The following SPATA22 variants were observed in gnomAD, a reference collection of about 807,000 sequenced individuals.
SPATA22 encodes spermatogenesis-associated protein 22.
In SPATA22, 29 loss-of-function variants were observed where a neutral mutation model predicts 47.8. The ratio of observed to expected loss-of-function variants is 0.61; its 90% CI spans 0.45 to 0.83. SPATA22 has a LOEUF of 0.83. Among genes scored for constraint, SPATA22 ranks in the 40% least tolerant of loss-of-function variants. The pLI is 0.00. For missense variants in SPATA22, 410 were observed against 421.7 expected (o/e 0.97, Z 0.24); for synonymous variants, 133 against 140.9 (o/e 0.94, Z 0.40).
At chr17:3,477,565 G>A (rs1171245790) in intron 1 of SPATA22, among the ~76,000 whole-genome samples, 1 of 152,028 alleles carries the variant, frequency 6.6e-6, no homozygotes, top group East Asian at 1.9e-4. Flanking sequence ...TGATTCTCCT[G>A]CCTCAACCTC....
At chr17:3,450,261 A>T (rs111727378) in intron 5 of SPATA22, among the ~76,000 whole-genome samples, 12 of 152,344 alleles carry the variant, frequency 7.9e-5, no homozygotes, top group South Asian at 4.1e-4. Flanking sequence ...AAAGAGGTCT[A>T]GGTACACTGC....
In SPATA22 at chr17:3,481,793, A is replaced by G. The variant is rs199565861; in HGVS notation, c.-73-12395T>C. On this transcript the variant is annotated intron_variant, in intron 1 of 8. Coordinates refer to the SPATA22 transcript ENST00000541913. ...CTTTTTAATTCAGATGTTTCATTAC[A>G]TTAAGGTAATGTTAATGTTATTAAT... 266 of 1,596,010 alleles carry G rather than the reference A, an allele frequency of 1.7e-4. No homozygotes were observed. Among genetic ancestry groups the G allele is most frequent in the Admixed American group, 3.2e-4 (19 of 59,254 alleles).
intron 2 of SPATA22, 62 bp downstream of exon 2, chr17:3,469,221 T>G: frequency 1.3e-6 from 1 of 766,334 alleles, no homozygotes; most frequent in Non-Finnish European, 2.1e-6. Context: ...ATGTTATATC[T>G]ATAAACTATA....
chr17:3,471,056 G>T (rs1196137079), intron 1 of SPATA22, among the ~76,000 whole-genome samples: 1 of 151,882 alleles, frequency 6.6e-6, no homozygotes, highest in Non-Finnish European at 1.5e-5. Flanking sequence ...CCTGGAGGCT[G>T]AGACAGGAGA....
intron 5 of SPATA22, among the ~76,000 whole-genome samples, chr17:3,451,005 T>C (rs1353404869): frequency 1.3e-5 from 2 of 152,176 alleles, no homozygotes; most frequent in African/African-American, 4.8e-5. Context: ...TAATAAGGTA[T>C]GCCTATATGA....
intron 8 of SPATA22, 25 bp from the exon 9 acceptor site, chr17:3,440,363 A>G (rs1295227868): frequency 2.0e-6 from 3 of 1,496,334 alleles, no homozygotes; most frequent in Non-Finnish European, 2.7e-6. Context: ...ATAAGTATCA[A>G]AAAATAGTTA....
At chr17:3,474,750 A>G (rs528427805), upstream of SPATA22, among the ~76,000 whole-genome samples, 2 of 152,342 alleles carry the variant, frequency 1.3e-5, no homozygotes, top group South Asian at 4.1e-4. Context: ...GTTTGTATGC[A>G]TGTTTGTTTC....
chr17:3,492,956 GT>G (rs2073849508), intron 1 of SPATA22, among the ~76,000 whole-genome samples: 1 of 152,236 alleles, frequency 6.6e-6, no homozygotes. Context: ...TTCTGGGGTA[GT>G]ATGTTATGCA....
intron 7 of SPATA22, among the ~76,000 whole-genome samples, chr17:3,445,062 T>C (rs932294461): frequency 2.6e-5 from 4 of 152,122 alleles, no homozygotes; most frequent in African/African-American, 9.7e-5. Context: ...GGAATCAGCA[T>C]GTCCTTTTAA....
chr17:3,471,913 G>A (rs2073448206), upstream of SPATA22: 1 of 968,848 alleles, frequency 1.0e-6, no homozygotes, highest in Non-Finnish European at 1.2e-6. Context: ...CCCTTGGCCG[G>A]GCGCGATGAC....
chr17:3,498,533 G>A (rs986746403), intron 1 of SPATA22, among the ~76,000 whole-genome samples: 1 of 151,986 alleles, frequency 6.6e-6, no homozygotes, highest in Admixed American at 6.6e-5. Flanking sequence ...ATTTTTTCTA[G>A]AGATAGGATC....
At chr17:3,462,079 C>T (rs998915701) in intron 5 of SPATA22, among the ~76,000 whole-genome samples, 5 of 152,148 alleles carry the variant, frequency 3.3e-5, no homozygotes, top group African/African-American at 9.7e-5. Context: ...ACCTTGAAGC[C>T]GGCTGTCTTA....
At chr17:3,470,906 G>A (rs2073417428) in intron 1 of SPATA22, among the ~76,000 whole-genome samples, 1 of 152,150 alleles carries the variant, frequency 6.6e-6, no homozygotes, top group African/African-American at 2.4e-5. Context: ...TGTGATCCCA[G>A]CACTTCGGGA....
At chr17:3,496,716 C>G (rs777927676) in intron 1 of SPATA22, among the ~76,000 whole-genome samples, 2 of 152,226 alleles carry the variant, frequency 1.3e-5, no homozygotes, top group Non-Finnish European at 2.9e-5. Context: ...CCACAAACTA[C>G]TAAAGTAGCG....
At chr17:3,465,237 G>C (rs2073269730) in intron 3 of SPATA22, among the ~76,000 whole-genome samples, 1 of 143,784 alleles carries the variant, frequency 7.0e-6, no homozygotes, top group Admixed American at 6.8e-5. Context: ...ACTGGGAAGT[G>C]AGGAGCCCCT....
chr17:3,485,508 C>T lies in SPATA22; in HGVS notation c.-73-16110G>A, dbSNP rs367997268. Among the ~76,000 whole-genome samples, 20 of 152,222 alleles carry T rather than the reference C, an allele frequency of 1.3e-4. No individual in the cohort carries two copies. The highest frequency in any genetic ancestry group is 6.2e-4 in the South Asian group (3 of 4,820). On this transcript the variant is annotated intron_variant, in intron 1 of 8. Transcript: ENST00000541913. This position sits in a 1 kb window ranked among gnomAD's most constrained non-coding sequence, Gnocchi z 4.4. ...AGCCGGGGCAACAAAAGTGAAACTC[C>T]GTCTCAAAAAAACAAACAAACAAAA...
chr17:3,457,844 T>C (rs1319504552), intron 5 of SPATA22, among the ~76,000 whole-genome samples: 1 of 152,162 alleles, frequency 6.6e-6, no homozygotes, highest in Admixed American at 6.5e-5. Flanking sequence ...AAGACTTAAA[T>C]GTAAGAACTG....
rs149789677 is a variant in SPATA22 at position 3,497,746 on chromosome 17, G to A, written c.-74+15666C>T. ...CCTGTTAACATGAAGATTTTGATTT[G>A]GTAGGTCTGCTGCGCATAATGAAAT... On this transcript the variant is annotated intron_variant, in intron 1 of 8. Transcript: ENST00000541913. 4.3e-3 allele frequency among the ~76,000 whole-genome samples: 661 copies of A among 152,266 alleles called. 4 individuals are homozygous for A. The highest frequency in any genetic ancestry group is 0.015 in the African/African-American group (630 of 41,554).
intron 3 of SPATA22, among the ~76,000 whole-genome samples, chr17:3,465,485 A>C (rs1320899199): frequency 6.6e-6 from 1 of 151,958 alleles, no homozygotes; most frequent in African/African-American, 2.4e-5. Flanking sequence ...TTACCCCCCA[A>C]CCCTGTGCTC....
Sources: allele counts gnomAD v4.1 joint callset (sites outside exome capture counted in the v4.1 genomes callset), GRCh38; gene constraint gnomAD v4.1.1; non-coding constraint Gnocchi (gnomAD v3.1); transcripts MANE v1.5; gene names NCBI Gene and HGNC (gene_info 2026-07-23, HGNC 2026-07-21).